FANCL: variants seen among roughly 807,000 people sequenced by gnomAD.
FANCL encodes E3 ubiquitin-protein ligase FANCL.
Under a neutral mutation model 59.4 loss-of-function variants are expected in FANCL, and 69 were observed. That is an observed-to-expected ratio of 1.16 (90% confidence interval 0.96 to 1.42). FANCL has a LOEUF of 1.42. FANCL is among the 40% of genes most tolerant of loss of function. The probability of loss-of-function intolerance (pLI) is 0.00; values close to 1 mark genes in which losing one functional copy is unlikely to be tolerated. For missense variants in FANCL, 519 were observed against 447.2 expected, an observed-to-expected ratio of 1.16 and a Z score of -1.45; for synonymous variants, 180 against 147.1, an observed-to-expected ratio of 1.22 and a Z score of -1.62.
intron 7 of FANCL, among the ~76,000 whole-genome samples, chr2:58,170,672 T>C (rs1686493830): frequency 6.8e-6 from 1 of 146,906 alleles, no homozygotes; most frequent in Non-Finnish European, 1.5e-5. Flanking sequence ...GATGGAGGAA[T>C]ATTTACCAAG....
intron 7 of FANCL, among the ~76,000 whole-genome samples, chr2:58,168,656 G>A (rs946145075): frequency 2.6e-5 from 4 of 152,100 alleles, no homozygotes; most frequent in African/African-American, 9.7e-5. Flanking sequence ...GTCTATCTCA[G>A]TGGATCCCAC....
At chr2:58,179,129 A>C (rs1177723483) in intron 7 of FANCL, among the ~76,000 whole-genome samples, 1 of 152,242 alleles carries the variant, frequency 6.6e-6, no homozygotes. Context: ...GATAGGAAGA[A>C]TCAATATCGT....
At chr2:58,205,954 T>C (rs1690542384) in intron 5 of FANCL, among the ~76,000 whole-genome samples, 1 of 152,120 alleles carries the variant, frequency 6.6e-6, no homozygotes, top group Non-Finnish European at 1.5e-5. Flanking sequence ...TCGTAAAAAA[T>C]TAAACTGTTA....
chr2:58,207,331 G>A (rs981116313), intron 5 of FANCL, among the ~76,000 whole-genome samples: 20 of 152,100 alleles, frequency 1.3e-4, no homozygotes, highest in African/African-American at 3.9e-4. Flanking sequence ...TGTTTAAAAC[G>A]GTAGCCACCA....
chr2:58,227,974 G>A (rs72810394), intron 3 of FANCL, among the ~76,000 whole-genome samples: 14,996 of 152,128 alleles, frequency 0.099, 803 homozygotes, highest in Middle Eastern at 0.1. Context: ...ATGTGAGTGG[G>A]AAGAGGAGTA....
At position 58,159,568 on chromosome 2, in the gene FANCL, A is replaced by G. The variant is rs765881788; in HGVS notation, c.*197T>C. On this transcript the variant is annotated 3_prime_UTR_variant, in exon 14 of 14. Coordinates refer to ENST00000233741, the MANE Select transcript of FANCL (RefSeq NM_018062.4). ...GGGGATCACAGACTTAGAAAGTTCA[A>G]CTGGACTTTGGCCTACAATTTCCCA... The G allele has an allele frequency of 2.2e-5, 36 of 1,613,716 alleles. No individual in the cohort carries two copies. The highest frequency in any genetic ancestry group is 3.3e-5 in the Admixed American group (2 of 59,970).
intron 7 of FANCL, among the ~76,000 whole-genome samples, chr2:58,174,915 G>C (rs1687119759): frequency 6.6e-6 from 1 of 151,968 alleles, no homozygotes; most frequent in South Asian, 2.1e-4. Context: ...GAAGAGAGAA[G>C]AATCAAATAG....
At chr2:58,172,371 C>A (rs1481920149) in intron 7 of FANCL, among the ~76,000 whole-genome samples, 1 of 152,180 alleles carries the variant, frequency 6.6e-6, no homozygotes, top group Non-Finnish European at 1.5e-5. Context: ...CAGACTGACA[C>A]CTCACATGGC....
intron 5 of FANCL, among the ~76,000 whole-genome samples, chr2:58,214,616 C>G (rs1204131654): frequency 6.6e-6 from 1 of 152,112 alleles, no homozygotes; most frequent in Non-Finnish European, 1.5e-5. Context: ...CTCAAGTGAT[C>G]CTCCCACCTC....
rs1427209487 is a variant in FANCL at position 58,159,608 on chromosome 2, A to C, written c.*157T>G. The C allele has an allele frequency of 8.1e-6, 13 of 1,613,740 alleles. No homozygotes were observed. Among genetic ancestry groups the C allele is most frequent in the Non-Finnish European group, 1.0e-5 (12 of 1,179,828 alleles). On this transcript the variant is annotated 3_prime_UTR_variant, in exon 14 of 14. Transcript: ENST00000233741. ...ACAATTTCCCAGTTTACTCTTAGTG[A>C]AGAGACAAACGCAGATGTTTATTAT...
chr2:58,176,325 A>G (rs1357700981), intron 7 of FANCL, among the ~76,000 whole-genome samples: 1 of 152,148 alleles, frequency 6.6e-6, no homozygotes, highest in Admixed American at 6.6e-5. Context: ...TCGCCAAGTC[A>G]ATCCTAAGCC....
intron 5 of FANCL, among the ~76,000 whole-genome samples, chr2:58,221,669 T>C (rs563284619): frequency 4.1e-4 from 62 of 152,312 alleles, no homozygotes; most frequent in African/African-American, 1.1e-3. Flanking sequence ...TAGAATACAG[T>C]TGTATGTTCA....
At chr2:58,190,792 TCTA>T (rs1448414702) in intron 7 of FANCL, among the ~76,000 whole-genome samples, 1 of 151,968 alleles carries the variant, frequency 6.6e-6, no homozygotes, top group Non-Finnish European at 1.5e-5. Context: ...TCTCAGTGTC[TCTA>T]CTATTTACAA....
At chr2:58,213,921 G>C (rs189769724) in intron 5 of FANCL, among the ~76,000 whole-genome samples, 102 of 152,260 alleles carry the variant, frequency 6.7e-4, no homozygotes, top group Admixed American at 2.6e-3. Flanking sequence ...TAGTTGGGGA[G>C]AATTTATTAA....
At chr2:58,160,748 C>G (rs1395333075) in intron 12 of FANCL, among the ~76,000 whole-genome samples, 1 of 151,956 alleles carries the variant, frequency 6.6e-6, no homozygotes, top group Non-Finnish European at 1.5e-5. Flanking sequence ...ACCTGTATTT[C>G]TGTAATTTCA....
intron 7 of FANCL, among the ~76,000 whole-genome samples, chr2:58,167,829 C>T (rs1434857574): frequency 6.6e-6 from 1 of 152,078 alleles, no homozygotes; most frequent in African/African-American, 2.4e-5. Flanking sequence ...GACATAGAAA[C>T]ACTTCTCTTA....
At chr2:58,189,331 CAGT>C (rs1394235070) in intron 7 of FANCL, among the ~76,000 whole-genome samples, 2 of 152,112 alleles carry the variant, frequency 1.3e-5, no homozygotes, top group Non-Finnish European at 2.9e-5. Context: ...ATCTACACAG[CAGT>C]AGATGTGTAG....
chr2:58,235,650 A>G (rs1019633529), intron 1 of FANCL, among the ~76,000 whole-genome samples: 3 of 152,134 alleles, frequency 2.0e-5, no homozygotes, highest in Admixed American at 2.0e-4. Flanking sequence ...TATTTCCTGC[A>G]AAGAAGCAAG....
chr2:58,237,350 A>G (rs1420682356), intron 1 of FANCL, among the ~76,000 whole-genome samples: 1 of 152,164 alleles, frequency 6.6e-6, no homozygotes, highest in Non-Finnish European at 1.5e-5. Flanking sequence ...ATTGAGAAAG[A>G]TAATCATAAT....
Sources: gnomAD v4.1 joint callset for allele counts (sites outside exome capture counted in the v4.1 genomes callset) on GRCh38, gnomAD v4.1.1 for gene constraint, MANE v1.5 for transcripts, NCBI Gene and HGNC (gene_info 2026-07-23, HGNC 2026-07-21) for gene names.